Variants in STMN2 observed in about 807,000 individuals in gnomAD.
The protein encoded by STMN2 is stathmin 2, also known as stathmin-2.
In STMN2, 2 loss-of-function variants were observed where a neutral mutation model predicts 24.1. The ratio of observed to expected loss-of-function variants is 0.08; its 90% confidence interval spans 0.03 to 0.26. STMN2 has a LOEUF of 0.26. STMN2 is among the 10% of genes least tolerant of loss of function. STMN2 has a pLI of 1.00. For missense variants in STMN2, 114 were observed against 213.6 expected, an observed-to-expected ratio of 0.53 and a Z score of 2.91; for synonymous variants, 83 against 77.5, an observed-to-expected ratio of 1.07 and a Z score of -0.37.
intron 4 of STMN2, among the ~76,000 whole-genome samples, chr8:79,657,622 A>G (rs528426380): frequency 3.3e-5 from 5 of 152,292 alleles, no homozygotes; most frequent in African/African-American, 9.6e-5. Flanking sequence ...AAATTCTAGG[A>G]CCACATTTTT....
intron 1 of STMN2, among the ~76,000 whole-genome samples, chr8:79,636,234 A>C (rs1809951100): frequency 6.6e-6 from 1 of 152,194 alleles, no homozygotes; most frequent in African/African-American, 2.4e-5. Flanking sequence ...GAGGAAAGAA[A>C]AAAGAAAAGA....
At chr8:79,652,611 C>A (rs1015252365) in intron 3 of STMN2, among the ~76,000 whole-genome samples, 1 of 151,998 alleles carries the variant, frequency 6.6e-6, no homozygotes, top group African/African-American at 2.4e-5. Context: ...CAGTTGCCAT[C>A]ATCTCCTTGT....
At position 79,665,001 on chromosome 8, in the gene STMN2, A is replaced by AC; in HGVS notation, c.*127_*128insC. The AC allele has an allele frequency of 1.1e-6, 1 of 878,380 alleles. No individual in the cohort carries two copies. Among genetic ancestry groups the AC allele is most frequent in the Non-Finnish European group, 1.5e-6 (1 of 652,656 alleles). The allele number at this position is 878,380 out of a possible 1,614,324, so 54.4% of individuals were successfully genotyped here. On this transcript the variant is annotated 3_prime_UTR_variant, in exon 5 of 5. Coordinates refer to ENST00000220876, the MANE Select transcript of STMN2 (RefSeq NM_007029.4). ...AAAGAACTCATTATAAAAAAAAAAA[A>AC]ACAAAAAAAATCAAAAATTAAAAAA...
intron 1 of STMN2, among the ~76,000 whole-genome samples, chr8:79,618,912 CTTG>C (rs1444306092): frequency 1.1e-4 from 16 of 152,104 alleles, no homozygotes; most frequent in Admixed American, 2.0e-4. Context: ...TTTGTTCTCA[CTTG>C]TTGTTGACCT....
chr8:79,651,799 T>C (rs1399353202), intron 3 of STMN2, among the ~76,000 whole-genome samples: 1 of 152,196 alleles, frequency 6.6e-6, no homozygotes. Flanking sequence ...GGCCATGAAG[T>C]CCATCTCAAA....
chr8:79,614,978 T>C (rs986511332), intron 1 of STMN2, among the ~76,000 whole-genome samples: 11 of 152,242 alleles, frequency 7.2e-5, no homozygotes, highest in African/African-American at 2.4e-5. Context: ...GAGGCTACAA[T>C]TTACTCAGAT....
chr8:79,622,722 C>A (rs1206182435), intron 1 of STMN2, among the ~76,000 whole-genome samples: 6 of 152,064 alleles, frequency 3.9e-5, no homozygotes, highest in African/African-American at 1.4e-4. Flanking sequence ...TAAAACTGAG[C>A]CTTCTTGCTT....
At chr8:79,654,578 G>C (rs12681495) in intron 3 of STMN2, among the ~76,000 whole-genome samples, 1 of 152,058 alleles carries the variant, frequency 6.6e-6, no homozygotes, top group Non-Finnish European at 1.5e-5. Context: ...TAAACGCTTA[G>C]CAACAAAGCC....
intron 2 of STMN2, among the ~76,000 whole-genome samples, chr8:79,641,028 T>A (rs1810084581): frequency 6.6e-6 from 1 of 152,234 alleles, no homozygotes; most frequent in Non-Finnish European, 1.5e-5. Flanking sequence ...TCTGTGCTAC[T>A]TGATTTTCAT....
chr8:79,642,095 G>A (rs990405791), intron 3 of STMN2, among the ~76,000 whole-genome samples: 1 of 152,152 alleles, frequency 6.6e-6, no homozygotes, highest in Non-Finnish European at 1.5e-5. Context: ...CCTCTTCAGA[G>A]TCCCACTGCC....
At chr8:79,633,920 TA>T (rs1377165046) in intron 1 of STMN2, among the ~76,000 whole-genome samples, 17 of 152,230 alleles carry the variant, frequency 1.1e-4, no homozygotes, top group Admixed American at 1.1e-3. Context: ...TACTGAAAAT[TA>T]TTGAATTTAG....
At chr8:79,637,650 C>G (rs1339994980) in intron 2 of STMN2, among the ~76,000 whole-genome samples, 1 of 152,154 alleles carries the variant, frequency 6.6e-6, no homozygotes, top group Non-Finnish European at 1.5e-5. Context: ...CCAAGCCTAG[C>G]TCATTATATC....
intron 1 of STMN2, among the ~76,000 whole-genome samples, chr8:79,622,227 T>A (rs1585876664): frequency 6.6e-6 from 1 of 152,194 alleles, no homozygotes; most frequent in Non-Finnish European, 1.5e-5. Context: ...AGTTATGAAA[T>A]GGGAAAACAA....
rs11374351 is a variant in STMN2 at position 79,648,453 on chromosome 8, C to CTTTTTTT, written c.289-6403_289-6397dup. On this transcript the variant is annotated intron_variant, in intron 3 of 4. Transcript: ENST00000220876. ...AAATGCTACCATACAATATACGTTGCTTTTTTTTTTTTTTTTTTTTTGAGA... is the reference window on the plus strand; with the variant it reads ...AAATGCTACCATACAATATACGTTGCTTTTTTTTTTTTTTTTTTTTTTTTTTTTGAGA... 3.9e-4 allele frequency among the ~76,000 whole-genome samples: 38 copies of CTTTTTTT among 97,888 alleles called. 3 individuals are homozygous for CTTTTTTT. Among genetic ancestry groups the CTTTTTTT allele is most frequent in the Non-Finnish European group, 4.9e-4 (26 of 52,898 alleles). The allele number at this position is 97,888 out of a possible 152,430, so 64.2% of individuals were successfully genotyped here.
intron 1 of STMN2, among the ~76,000 whole-genome samples, chr8:79,634,742 A>G (rs1464697921): frequency 1.3e-5 from 2 of 152,206 alleles, no homozygotes; most frequent in African/African-American, 4.8e-5. Context: ...ATCTCTTAGA[A>G]TAATTCTAGT....
intron 1 of STMN2, among the ~76,000 whole-genome samples, chr8:79,619,391 G>C (rs1052802175): frequency 3.3e-5 from 5 of 152,072 alleles, no homozygotes; most frequent in Admixed American, 2.6e-4. Flanking sequence ...CTTATGAAAT[G>C]CAGCCATAAA....
intron 3 of STMN2, among the ~76,000 whole-genome samples, chr8:79,645,220 AT>A (rs1810193786): frequency 6.6e-6 from 1 of 152,178 alleles, no homozygotes. Flanking sequence ...TAGAAGCCAC[AT>A]TTTTTAAAAT....
At chr8:79,653,597 G>T (rs1810380218) in intron 3 of STMN2, among the ~76,000 whole-genome samples, 2 of 152,052 alleles carry the variant, frequency 1.3e-5, no homozygotes, top group South Asian at 4.2e-4. Context: ...CTTTCTCCAG[G>T]CCCCATATTG....
intron 4 of STMN2, among the ~76,000 whole-genome samples, chr8:79,656,288 C>T (rs574117119): frequency 2.0e-5 from 3 of 152,224 alleles, no homozygotes; most frequent in African/African-American, 7.2e-5. Context: ...GGTCCGTGGA[C>T]GAGTACTGCT....
Sources: allele counts gnomAD v4.1 joint callset (sites outside exome capture counted in the v4.1 genomes callset), GRCh38; gene constraint gnomAD v4.1.1; transcripts MANE v1.5; gene names NCBI Gene and HGNC (gene_info 2026-07-23, HGNC 2026-07-21).